Variants in ZNF385B observed in about 807,000 individuals in gnomAD.
ZNF385B encodes zinc finger protein 385B.
ZNF385B carries 23 observed loss-of-function variants against 39.2 expected under a neutral mutation model. The observed-to-expected ratio is 0.59, with a 90% CI of 0.42 to 0.83. ZNF385B has a LOEUF of 0.83. ZNF385B is among the 40% of genes least tolerant of loss of function. The pLI, the probability that ZNF385B is intolerant of heterozygous loss-of-function variation, is 0.00. For missense variants in ZNF385B, 552 were observed against 598.9 expected, an observed-to-expected ratio of 0.92 and a Z score of 0.82; for synonymous variants, 205 against 222.6, an observed-to-expected ratio of 0.92 and a Z score of 0.70.
chr2:179,726,766 A>G (rs186357066), intron 3 of ZNF385B, among the ~76,000 whole-genome samples: 21 of 152,170 alleles, frequency 1.4e-4, no homozygotes, highest in Non-Finnish European at 2.7e-4. Context: ...ATATAGTACT[A>G]TTACTGCATT....
At chr2:179,585,795 T>C (rs541313701) in intron 3 of ZNF385B, 1 of 152,230 alleles carries the variant, frequency 6.6e-6, no homozygotes, top group African/African-American at 2.4e-5. Context: ...TTCTACTCGA[T>C]GGCTACACTG....
chr2:179,812,061 G>C (rs188428983), intron 1 of ZNF385B, among the ~76,000 whole-genome samples: 1 of 152,208 alleles, frequency 6.6e-6, no homozygotes, highest in Non-Finnish European at 1.5e-5. Flanking sequence ...CTAATCATCA[G>C]AGAAATGCAA....
chr2:179,764,692 C>A (rs572324013), intron 3 of ZNF385B, among the ~76,000 whole-genome samples: 1 of 152,160 alleles, frequency 6.6e-6, no homozygotes, highest in African/African-American at 2.4e-5. Flanking sequence ...CAGCATTTAA[C>A]TTTCCTACTT....
chr2:179,860,938 A>C (rs1685007033), intron 1 of ZNF385B, 163 bp downstream of exon 1: 1 of 171,236 alleles, frequency 5.8e-6, no homozygotes, highest in South Asian at 1.9e-4. Context: ...TACAAGTGGG[A>C]CCTTGAGACA....
chr2:179,723,926 G>A (rs1700845479), intron 3 of ZNF385B, among the ~76,000 whole-genome samples: 1 of 152,148 alleles, frequency 6.6e-6, no homozygotes, highest in African/African-American at 2.4e-5. Context: ...ACTCACAAAT[G>A]TCACTGCTCA....
chr2:179,808,799 A>G lies in ZNF385B; in HGVS notation c.-154-38127T>C, dbSNP rs74558759. On this transcript the variant is annotated intron_variant, in intron 1 of 9. Transcript: ENST00000410066. ...CTTAACAAAAGAAATTGTTTCTACT[A>G]CAGCAATAACATTACAGCTTTGCAA... Among the ~76,000 whole-genome samples, 1,176 of 152,334 alleles carry G rather than the reference A, an allele frequency of 7.7e-3. 16 individuals are homozygous for G. Among genetic ancestry groups the G allele is most frequent in the African/African-American group, 0.026 (1,101 of 41,574 alleles).
chr2:179,670,645 C>G (rs555217234), intron 3 of ZNF385B, among the ~76,000 whole-genome samples: 1 of 152,286 alleles, frequency 6.6e-6, no homozygotes, highest in African/African-American at 2.4e-5. Flanking sequence ...TTCTCATGAG[C>G]TGGTCCAACA....
chr2:179,541,257 G>A (rs935074181), intron 4 of ZNF385B, among the ~76,000 whole-genome samples: 2 of 152,020 alleles, frequency 1.3e-5, no homozygotes, highest in African/African-American at 4.8e-5. Flanking sequence ...TGTCAGTTGT[G>A]GTGCATAAGG....
At chr2:179,619,761 C>T (rs1690055352) in intron 3 of ZNF385B, among the ~76,000 whole-genome samples, 1 of 152,188 alleles carries the variant, frequency 6.6e-6, no homozygotes, top group Non-Finnish European at 1.5e-5. Flanking sequence ...ACACCTAGTT[C>T]TCTGAAGACC....
At chr2:179,750,843 G>A (rs1478241232) in intron 3 of ZNF385B, among the ~76,000 whole-genome samples, 7 of 152,050 alleles carry the variant, frequency 4.6e-5, no homozygotes, top group Admixed American at 2.0e-4. Context: ...CATTCACCAT[G>A]GTAATTATAT....
intron 3 of ZNF385B, among the ~76,000 whole-genome samples, chr2:179,643,080 T>A (rs1692408864): frequency 6.6e-6 from 1 of 151,962 alleles, no homozygotes; most frequent in South Asian, 2.1e-4. Context: ...TGACAGACAT[T>A]TTCTCAAAAA....
intron 3 of ZNF385B, among the ~76,000 whole-genome samples, chr2:179,736,228 G>A (rs1245891280): frequency 6.6e-6 from 1 of 152,086 alleles, no homozygotes; most frequent in Non-Finnish European, 1.5e-5. Flanking sequence ...ATAAGAGTAG[G>A]CAGAATAATT....
rs190066628 is a variant in ZNF385B at position 179,502,198 on chromosome 2, G to C, written c.552+16330C>G. On this transcript the variant is annotated intron_variant, in intron 5 of 9. Transcript: ENST00000410066. The stretch of plus-strand genomic sequence containing the variant: ...TTTTTATTTGACAGGCTTACAGGTG[G>C]AAGGGACTTGCCTTGTCTCAGGTGA... Among the ~76,000 whole-genome samples, 6 of 152,286 alleles carry C rather than the reference G, an allele frequency of 3.9e-5. No individual in the cohort carries two copies. The East Asian group carries it at 1.2e-3, about 29-fold the overall frequency.
intron 3 of ZNF385B, among the ~76,000 whole-genome samples, chr2:179,689,453 C>T (rs1698174360): frequency 6.6e-6 from 1 of 152,234 alleles, no homozygotes; most frequent in Non-Finnish European, 1.5e-5. Context: ...GGACAGAGCA[C>T]TAATGGCCCT....
chr2:179,847,202 G>C (rs1366722452), intron 1 of ZNF385B, among the ~76,000 whole-genome samples: 1 of 152,090 alleles, frequency 6.6e-6, no homozygotes, highest in Non-Finnish European at 1.5e-5. Flanking sequence ...CCTATGACCA[G>C]GCTATAGCTG....
At chr2:179,761,386 T>C (rs1269280272) in intron 3 of ZNF385B, among the ~76,000 whole-genome samples, 1 of 152,186 alleles carries the variant, frequency 6.6e-6, no homozygotes, top group Non-Finnish European at 1.5e-5. Flanking sequence ...TCTAAACACG[T>C]GGTATGTCTC....
intron 3 of ZNF385B, among the ~76,000 whole-genome samples, chr2:179,593,907 C>T (rs1687780777): frequency 6.6e-6 from 1 of 152,182 alleles, no homozygotes; most frequent in Non-Finnish European, 1.5e-5. Flanking sequence ...TAATCTTTCT[C>T]CTGTCAAGAG....
chr2:179,682,223 T>C (rs974832969), intron 3 of ZNF385B, among the ~76,000 whole-genome samples: 1 of 152,222 alleles, frequency 6.6e-6, no homozygotes, highest in African/African-American at 2.4e-5. Flanking sequence ...CACCTTCCCC[T>C]TTCTGTGACT....
chr2:179,593,605 G>A (rs546679755), intron 3 of ZNF385B, among the ~76,000 whole-genome samples: 1 of 152,194 alleles, frequency 6.6e-6, no homozygotes, highest in Non-Finnish European at 1.5e-5. Flanking sequence ...GAGTACACAG[G>A]TACTCAAGTA....
Sources: allele counts gnomAD v4.1 joint callset (sites outside exome capture counted in the v4.1 genomes callset), GRCh38; gene constraint gnomAD v4.1.1; transcripts MANE v1.5; gene names NCBI Gene and HGNC (gene_info 2026-07-23, HGNC 2026-07-21).